Variants in SLC35F2 observed in about 807,000 individuals in gnomAD.
The protein encoded by SLC35F2 is solute carrier family 35 member F2, also known as queuine/queuosine transporter SLC35F2.
SLC35F2 carries 25 observed loss-of-function variants against 38.1 expected under a neutral mutation model. That is an observed-to-expected ratio of 0.66 (90% CI 0.48 to 0.92). The LOEUF (loss-of-function observed/expected upper bound fraction) is 0.92. Ranked by LOEUF, SLC35F2 falls within the 40% of genes least tolerant of loss-of-function variation. SLC35F2 has a pLI of 0.00. For synonymous variants in SLC35F2, 173 were observed against 181.7 expected (o/e 0.95, Z 0.38); for missense variants, 409 against 452.9 (o/e 0.90, Z 0.88).
chr11:107,849,764 A>C (rs1052998794), intron 1 of SLC35F2, among the ~76,000 whole-genome samples: 29 of 152,172 alleles, frequency 1.9e-4, no homozygotes, highest in African/African-American at 7.0e-4. Context: ...AGAAGAAAGA[A>C]GCAAACAAAA....
intron 1 of SLC35F2, among the ~76,000 whole-genome samples, chr11:107,847,737 AT>A (rs1860120466): frequency 6.6e-6 from 1 of 152,188 alleles, no homozygotes; most frequent in Admixed American, 6.5e-5. Flanking sequence ...AGGGAAGAAG[AT>A]TTCCTAAGTT....
chr11:107,832,566 GC>G (rs539082939), intron 1 of SLC35F2, among the ~76,000 whole-genome samples: 71 of 152,286 alleles, frequency 4.7e-4, no homozygotes, highest in African/African-American at 1.6e-3. Context: ...ACTTTGAGAG[GC>G]CAAGGTGGGC....
chr11:107,804,709 T>G lies in SLC35F2; in HGVS notation c.784+9A>C. 1 of 1,587,698 alleles carries G rather than the reference T, an allele frequency of 6.3e-7. No homozygotes were observed. Among genetic ancestry groups the G allele is most frequent in the Non-Finnish European group, 8.6e-7 (1 of 1,160,754 alleles). On this transcript the variant is annotated intron_variant, in intron 6 of 7. Transcript: ENST00000525815. ...AATGCTGACTAAAAGGAATTATTTC[T>G]TTACATACCAATTTTCCAGTCCCAA...
At chr11:107,796,852 T>A (rs1051568132) in intron 7 of SLC35F2, among the ~76,000 whole-genome samples, 6 of 152,172 alleles carry the variant, frequency 3.9e-5, no homozygotes, top group African/African-American at 1.4e-4. Flanking sequence ...TATTTTTTTT[T>A]TGTAGAGACA....
At chr11:107,825,303 A>G (rs561394133) in intron 1 of SLC35F2, among the ~76,000 whole-genome samples, 1 of 152,098 alleles carries the variant, frequency 6.6e-6, no homozygotes, top group South Asian at 2.1e-4. Flanking sequence ...GGCTCTTGTT[A>G]AAGTGCAGCT....
intron 1 of SLC35F2, among the ~76,000 whole-genome samples, chr11:107,854,383 T>G (rs1038333407): frequency 2.0e-5 from 3 of 151,926 alleles, no homozygotes; most frequent in African/African-American, 7.2e-5. Context: ...CAGTAAGCCA[T>G]GATCAGCCAC....
intron 1 of SLC35F2, among the ~76,000 whole-genome samples, chr11:107,830,619 A>G (rs1591200830): frequency 6.6e-6 from 1 of 151,710 alleles, no homozygotes; most frequent in African/African-American, 2.4e-5. Flanking sequence ...AAAAAAGAGA[A>G]CAGCCTCTAC....
At chr11:107,841,236 G>A (rs1009947348) in intron 1 of SLC35F2, among the ~76,000 whole-genome samples, 7 of 152,072 alleles carry the variant, frequency 4.6e-5, no homozygotes, top group Non-Finnish European at 1.0e-4. Flanking sequence ...GGAAAAGGTG[G>A]GTATTTCACA....
chr11:107,846,274 T>C (rs1381958913), intron 1 of SLC35F2, among the ~76,000 whole-genome samples: 1 of 151,610 alleles, frequency 6.6e-6, no homozygotes, highest in East Asian at 1.9e-4. Flanking sequence ...ATCAGACAAA[T>C]AATCCATATC....
intron 3 of SLC35F2, among the ~76,000 whole-genome samples, chr11:107,807,271 C>CAAAAAAAAAA (rs201964530): frequency 0.06 from 4,210 of 70,346 alleles, 361 homozygotes; most frequent in East Asian, 0.13. Flanking sequence ...CCTGTCTGTA[C>CAAAAAAAAAA]AAAAAAAAAA....
chr11:107,795,063 A>C (rs1445239246), intron 7 of SLC35F2, among the ~76,000 whole-genome samples: 1 of 152,194 alleles, frequency 6.6e-6, no homozygotes, highest in Non-Finnish European at 1.5e-5. Flanking sequence ...ACAAATGGAA[A>C]CACCCATGCT....
chr11:107,820,761 A>G (rs1483629176), intron 1 of SLC35F2, among the ~76,000 whole-genome samples: 2 of 152,016 alleles, frequency 1.3e-5, no homozygotes, highest in Non-Finnish European at 2.9e-5. Flanking sequence ...TTCAAGACCA[A>G]CCTGGCTGAC....
chr11:107,794,673 T>TA (rs1859190286), intron 7 of SLC35F2, among the ~76,000 whole-genome samples: 1 of 152,172 alleles, frequency 6.6e-6, no homozygotes, highest in Non-Finnish European at 1.5e-5. Flanking sequence ...TCACCACTCC[T>TA]ATTCAACATA....
intron 1 of SLC35F2, among the ~76,000 whole-genome samples, chr11:107,820,039 C>T (rs573394467): frequency 1.3e-5 from 2 of 151,962 alleles, no homozygotes; most frequent in East Asian, 1.9e-4. Flanking sequence ...ATGGATTACC[C>T]GAGGTCAGGA....
chr11:107,802,892 G>T, intron 7 of SLC35F2, 109 bp downstream of exon 7: 1 of 1,097,430 alleles, frequency 9.1e-7, no homozygotes, highest in African/African-American at 1.8e-5. Context: ...TGAAATTCTT[G>T]CCAAGAAGAT....
At chr11:107,805,097 C>T (rs940185664) in intron 5 of SLC35F2, 3 of 985,388 alleles carry the variant, frequency 3.0e-6, no homozygotes, top group Non-Finnish European at 3.6e-6. Context: ...TCCTTACTGG[C>T]AAATGCCTCT....
chr11:107,792,665 C>G lies in SLC35F2; in HGVS notation c.1075G>C (p.Gly359Arg). 3.1e-6 allele frequency: 5 copies of G among 1,613,786 alleles called. No individual in the cohort carries two copies. Among genetic ancestry groups the G allele is most frequent in the Non-Finnish European group, 4.2e-6 (5 of 1,179,894 alleles). The change falls in exon 8 of 8, where the codon GGG (glycine) becomes CGG (arginine). Residue 359 changes from glycine to arginine, a missense_variant. Coordinates refer to ENST00000525815, the MANE Select transcript of SLC35F2 (RefSeq NM_017515.5). ...TGGAGGTTCTCCTCCAGCTTCAGCC[C>G]CAGGTTGTCAATCCCAATGCTGGTG... Reference protein sequence around the residue: ...PVTSIGIDNLGLKLEENLQET... With the variant: ...PVTSIGIDNLRLKLEENLQET...
chr11:107,805,874 G>T (rs761271945), intron 4 of SLC35F2, among the ~76,000 whole-genome samples: 15 of 152,174 alleles, frequency 9.9e-5, no homozygotes, highest in Non-Finnish European at 4.4e-5. Flanking sequence ...TTGAACTCCT[G>T]ACCTCAAGTG....
At chr11:107,851,987 G>A (rs1860195187) in intron 1 of SLC35F2, among the ~76,000 whole-genome samples, 1 of 152,188 alleles carries the variant, frequency 6.6e-6, no homozygotes, top group Non-Finnish European at 1.5e-5. Flanking sequence ...CTGTTGATTG[G>A]ATAAAGTCTG....
Sources: gnomAD v4.1 joint callset for allele counts (sites outside exome capture counted in the v4.1 genomes callset) on GRCh38, gnomAD v4.1.1 for gene constraint, MANE v1.5 for transcripts, NCBI Gene and HGNC (gene_info 2026-07-23, HGNC 2026-07-21) for gene names.